Variants in NCKAP5 observed in about 807,000 individuals in gnomAD.
NCKAP5 encodes the protein NCK associated protein 5.
In NCKAP5, 92 loss-of-function variants were observed where a neutral mutation model predicts 167.0. The ratio of observed to expected loss-of-function variants is 0.55; its 90% CI spans 0.47 to 0.66. The LOEUF (loss-of-function observed/expected upper bound fraction) is 0.66. NCKAP5 is among the 30% of genes least tolerant of loss of function. The pLI is 0.00. For missense variants in NCKAP5, 2,378 were observed against 2,315.0 expected, an observed-to-expected ratio of 1.03 and a Z score of -0.56; for synonymous variants, 891 against 877.4, an observed-to-expected ratio of 1.02 and a Z score of -0.27.
chr2:133,429,427 A>G (rs1338951649), intron 3 of NCKAP5, among the ~76,000 whole-genome samples: 1 of 152,034 alleles, frequency 6.6e-6, no homozygotes, highest in African/African-American at 2.4e-5. Context: ...AGTAACCAAT[A>G]AAAAGTTTTA....
chr2:133,063,531 C>A (rs1023795319), intron 6 of NCKAP5, among the ~76,000 whole-genome samples: 12 of 152,210 alleles, frequency 7.9e-5, no homozygotes, highest in Non-Finnish European at 1.6e-4. Flanking sequence ...ATATGAGTTT[C>A]CTCTAAAGCT....
intron 3 of NCKAP5, among the ~76,000 whole-genome samples, chr2:133,350,190 TC>T (rs1355215800): frequency 1.3e-5 from 2 of 152,030 alleles, no homozygotes; most frequent in Non-Finnish European, 2.9e-5. Context: ...GGTGAGAGGA[TC>T]ACCTGAGCCC....
intron 2 of NCKAP5, among the ~76,000 whole-genome samples, chr2:133,534,257 A>C (rs1434043461): frequency 6.6e-6 from 1 of 152,196 alleles, no homozygotes; most frequent in African/African-American, 2.4e-5. Flanking sequence ...TTGGCCTTAA[A>C]ATATTTTGAT....
the NCKAP5 span, among the ~76,000 whole-genome samples, chr2:133,663,187 A>C: frequency 6.6e-6 from 1 of 150,828 alleles, no homozygotes; most frequent in African/African-American, 2.4e-5. Context: ...AATGGCGTGA[A>C]CCCGGGAAGC....
intron 3 of NCKAP5, among the ~76,000 whole-genome samples, chr2:133,413,383 C>A (rs1397008787): frequency 6.6e-6 from 1 of 152,282 alleles, no homozygotes; most frequent in African/African-American, 2.4e-5. Flanking sequence ...GTGAGCTAGG[C>A]TAATGCTAGC....
intron 6 of NCKAP5, among the ~76,000 whole-genome samples, chr2:133,088,318 G>A (rs1328891757): frequency 6.6e-6 from 1 of 152,128 alleles, no homozygotes; most frequent in Non-Finnish European, 1.5e-5. Flanking sequence ...ATGGCCTCCA[G>A]TAGTTGGTCC....
At chr2:133,112,945 T>C (rs1028023325) in intron 6 of NCKAP5, among the ~76,000 whole-genome samples, 2 of 152,162 alleles carry the variant, frequency 1.3e-5, no homozygotes, top group Non-Finnish European at 2.9e-5. Flanking sequence ...TTTTAGCAAA[T>C]GGATACGATG....
intron 19 of NCKAP5, among the ~76,000 whole-genome samples, chr2:132,701,912 A>C (rs186302506): frequency 6.6e-6 from 1 of 152,318 alleles, no homozygotes; most frequent in Admixed American, 6.5e-5. Context: ...AATCTAACCT[A>C]GATTTTCATT....
rs755555345 is a variant in NCKAP5 at position 132,783,371 on chromosome 2, G to A, written c.3440C>T (p.Pro1147Leu). The A allele has an allele frequency of 1.2e-6, 2 of 1,609,074 alleles. No homozygotes were observed. Among genetic ancestry groups the A allele is most frequent in the Admixed American group, 1.7e-5 (1 of 59,278 alleles). ...CTTCATGAGCACTTTGAGTCCCACT[G>A]GAAGGCGAGTTTTCAGTCCTTTCTC... Reference protein sequence around the residue: ...AHEKGLKTRLPVGLKVLMKSP... With the variant: ...AHEKGLKTRLLVGLKVLMKSP... Residue 1147 changes from proline (P) to leucine (L), a missense_variant, in exon 14 of 20, where the codon CCA becomes CTA. This residue lies in a region of NCKAP5 where 1,325 missense variants were observed against 1,274.5 expected (regional missense o/e 1.04). Transcript: ENST00000409261.
At chr2:133,299,495 T>A (rs749447779) in intron 4 of NCKAP5, among the ~76,000 whole-genome samples, 2 of 152,022 alleles carry the variant, frequency 1.3e-5, no homozygotes, top group Non-Finnish European at 2.9e-5. Flanking sequence ...ACCTGTAATC[T>A]CAGCACTTTG....
chr2:132,708,914 C>T (rs1688599746), intron 19 of NCKAP5, among the ~76,000 whole-genome samples: 1 of 152,102 alleles, frequency 6.6e-6, no homozygotes, highest in Non-Finnish European at 1.5e-5. Context: ...ATAGAAGCTC[C>T]TAATTTTCAA....
intron 4 of NCKAP5, among the ~76,000 whole-genome samples, chr2:133,239,689 T>G (rs929893992): frequency 6.6e-6 from 1 of 152,208 alleles, no homozygotes; most frequent in Non-Finnish European, 1.5e-5. Flanking sequence ...ATGTGCTAAA[T>G]TCTAAAGAGT....
At chr2:133,172,428 G>C (rs540557950) in intron 5 of NCKAP5, among the ~76,000 whole-genome samples, 1 of 152,180 alleles carries the variant, frequency 6.6e-6, no homozygotes, top group Non-Finnish European at 1.5e-5. Context: ...CTTGCCACTT[G>C]CTGGAGGCTA....
Position 132,936,582 on chromosome 2 carries a change from C to G in NCKAP5, c.579+27138G>C, listed in dbSNP as rs141630043. 2.4e-3 allele frequency among the ~76,000 whole-genome samples: 368 copies of G among 152,270 alleles called. 3 individuals are homozygous for G. The highest frequency in any genetic ancestry group is 8.0e-3 in the African/African-American group (331 of 41,560). On this transcript the variant is annotated intron_variant, in intron 8 of 19. Coordinates refer to ENST00000409261, the MANE Select transcript of NCKAP5 (RefSeq NM_207363.3). ...CACAAATAGGTCCCTTGGCACTACA[C>G]AGTTGAAAACTATTGTTTGGGAGGA...
At chr2:133,444,023 C>T (rs986855792) in intron 3 of NCKAP5, among the ~76,000 whole-genome samples, 1 of 152,118 alleles carries the variant, frequency 6.6e-6, no homozygotes, top group Non-Finnish European at 1.5e-5. Context: ...GTTAAGTGCA[C>T]AAATATTGTT....
chr2:133,659,925 G>A, the NCKAP5 span, among the ~76,000 whole-genome samples: 23 of 152,008 alleles, frequency 1.5e-4, no homozygotes, highest in South Asian at 6.2e-4. Flanking sequence ...AAGCCTTTTC[G>A]TGTGGTAAAT....
In NCKAP5 at chr2:132,782,869, C is replaced by T; in HGVS notation, c.3942G>A (p.Arg1314=). Residue 1314 remains arginine (R), a synonymous_variant, in exon 14 of 20, where the codon CGG becomes CGA. Transcript: ENST00000409261. The part of the protein sequence containing the change: ...NTAERGNSLT[R]QNSSTESSPN... Reference sequence around the variant, plus strand: ...GAGAGCTTTCCGTGGAAGAGTTCTGCCGGGTAAGAGAATTGCCTCTCTCGG... The same window carrying T: ...GAGAGCTTTCCGTGGAAGAGTTCTGTCGGGTAAGAGAATTGCCTCTCTCGG... The T allele has an allele frequency of 6.2e-7, 1 of 1,613,868 alleles. No individual in the cohort carries two copies. The highest frequency in any genetic ancestry group is 8.5e-7 in the Non-Finnish European group (1 of 1,179,858).
rs1397562374 is a variant in NCKAP5 at position 132,890,360 on chromosome 2, G to A, written c.580-11444C>T. ...GGCTGTACCTGCAGGAGCTATGCTAGGGGGTATACAAAGATGGATAAAATA... is the reference window on the plus strand; with the variant it reads ...GGCTGTACCTGCAGGAGCTATGCTAAGGGGTATACAAAGATGGATAAAATA... On this transcript the variant is annotated intron_variant, in intron 8 of 19. Transcript: ENST00000409261. Among the ~76,000 whole-genome samples the A allele has an allele frequency of 2.0e-5, 3 of 152,064 alleles. No individual in the cohort carries two copies. The East Asian group carries it at 5.8e-4, about 29-fold the overall frequency.
At chr2:133,285,652 C>T (rs148553025) in intron 4 of NCKAP5, among the ~76,000 whole-genome samples, 78 of 152,224 alleles carry the variant, frequency 5.1e-4, no homozygotes, top group African/African-American at 1.7e-3. Flanking sequence ...ATATAATGCA[C>T]GTATCACCAT....
Sources: allele counts gnomAD v4.1 joint callset (sites outside exome capture counted in the v4.1 genomes callset), GRCh38; gene constraint gnomAD v4.1.1; regional missense constraint gnomAD v4.1.1; transcripts MANE v1.5; gene names NCBI Gene and HGNC (gene_info 2026-07-23, HGNC 2026-07-21).